SLC24A2: variants seen among roughly 807,000 people sequenced by gnomAD.
SLC24A2 encodes the protein sodium/potassium/calcium exchanger 2.
In SLC24A2, 36 loss-of-function variants were observed where a neutral mutation model predicts 62.0. That is an observed-to-expected ratio of 0.58 (90% CI 0.44 to 0.77). The LOEUF (loss-of-function observed/expected upper bound fraction) is 0.77, where lower values mean the gene tolerates loss of function less well. Ranked by LOEUF, SLC24A2 falls within the 30% of genes least tolerant of loss-of-function variation. The pLI, the probability that SLC24A2 is intolerant of heterozygous loss-of-function variation, is 0.00. For synonymous variants in SLC24A2, 358 were observed against 294.0 expected (o/e 1.22, Z -2.23); for missense variants, 846 against 817.9 (o/e 1.03, Z -0.42).
At chr9:19,908,320 A>C in the SLC24A2 span, among the ~76,000 whole-genome samples, 1 of 152,200 alleles carries the variant, frequency 6.6e-6, no homozygotes. Context: ...CTTACACCTT[A>C]TACAAAAATT....
At chr9:19,834,538 AGAAAT>A in the SLC24A2 span, among the ~76,000 whole-genome samples, 1 of 152,208 alleles carries the variant, frequency 6.6e-6, no homozygotes, top group Non-Finnish European at 1.5e-5. Flanking sequence ...AAGAATAAAA[AGAAAT>A]GAACAAAGCC....
At chr9:19,987,857 C>A in the SLC24A2 span, among the ~76,000 whole-genome samples, 3 of 152,184 alleles carry the variant, frequency 2.0e-5, no homozygotes, top group Non-Finnish European at 4.4e-5. Flanking sequence ...ATTTCCTTCG[C>A]TGTAGGAGCA....
intron 4 of SLC24A2, among the ~76,000 whole-genome samples, chr9:19,613,797 AG>A (rs1387514239): frequency 3.3e-5 from 5 of 151,952 alleles, no homozygotes; most frequent in African/African-American, 1.2e-4. Context: ...GCAGAGTAGC[AG>A]AAAAGAACTA....
chr9:19,628,822 C>T (rs115102674), intron 2 of SLC24A2, among the ~76,000 whole-genome samples: 306 of 152,282 alleles, frequency 2.0e-3, no homozygotes, highest in African/African-American at 6.9e-3. Context: ...AGCTGATGAA[C>T]TAAAACAAAC....
At chr9:19,549,205 C>A (rs1834724671) in intron 8 of SLC24A2, among the ~76,000 whole-genome samples, 1 of 152,196 alleles carries the variant, frequency 6.6e-6, no homozygotes, top group Non-Finnish European at 1.5e-5. Flanking sequence ...CAAGAATGTT[C>A]AAGAAAATGT....
the SLC24A2 span, among the ~76,000 whole-genome samples, chr9:19,933,052 G>A: frequency 1.3e-5 from 2 of 152,362 alleles, no homozygotes; most frequent in Middle Eastern, 3.4e-3. Flanking sequence ...GGAGGTGGGG[G>A]CTGCGGGGAG....
the SLC24A2 span, among the ~76,000 whole-genome samples, chr9:20,142,589 T>A: frequency 3.8e-3 from 571 of 152,232 alleles, 3 homozygotes; most frequent in African/African-American, 0.012. Flanking sequence ...TTTTAATTTT[T>A]ATTTTTATTT....
At chr9:19,751,756 C>T (rs879716467) in intron 2 of SLC24A2, among the ~76,000 whole-genome samples, 15 of 152,236 alleles carry the variant, frequency 9.9e-5, no homozygotes, top group Non-Finnish European at 1.9e-4. Context: ...CTGAACATTA[C>T]GGATAGGACC....
the SLC24A2 span, among the ~76,000 whole-genome samples, chr9:20,106,133 C>T: frequency 6.6e-6 from 1 of 152,158 alleles, no homozygotes. Flanking sequence ...TTACACCCTC[C>T]CAAGACTAAA....
At chr9:19,638,757 G>C (rs529584268) in intron 2 of SLC24A2, among the ~76,000 whole-genome samples, 39 of 152,116 alleles carry the variant, frequency 2.6e-4, no homozygotes, top group Non-Finnish European at 7.4e-5. Flanking sequence ...ATCTCAGAGG[G>C]TTGTTTAATC....
the SLC24A2 span, among the ~76,000 whole-genome samples, chr9:19,820,007 G>A: frequency 0.059 from 1,397 of 23,730 alleles, 17 homozygotes; most frequent in Middle Eastern, 0.18. Flanking sequence ...ATATATATAT[G>A]TGTATATATA....
intron 7 of SLC24A2, among the ~76,000 whole-genome samples, chr9:19,555,900 T>A (rs1835065531): frequency 6.6e-6 from 1 of 152,078 alleles, no homozygotes; most frequent in Non-Finnish European, 1.5e-5. Context: ...AACTGAGATC[T>A]TGCCACTGCA....
the SLC24A2 span, among the ~76,000 whole-genome samples, chr9:20,001,647 T>A: frequency 6.6e-6 from 1 of 152,206 alleles, no homozygotes; most frequent in Non-Finnish European, 1.5e-5. Context: ...ATCCGCCAAC[T>A]TTGAGGCCTG....
At chr9:20,232,135 T>A in the SLC24A2 span, among the ~76,000 whole-genome samples, 3 of 152,114 alleles carry the variant, frequency 2.0e-5, no homozygotes, top group Non-Finnish European at 4.4e-5. Flanking sequence ...GATTTGGTTT[T>A]CCAGTATTTT....
the SLC24A2 span, among the ~76,000 whole-genome samples, chr9:20,284,230 T>C: frequency 1.3e-5 from 2 of 152,262 alleles, no homozygotes; most frequent in East Asian, 1.9e-4. Context: ...TCACTGGTGA[T>C]CCTCACATGA....
chr9:19,716,909 G>C (rs373021335), intron 2 of SLC24A2, among the ~76,000 whole-genome samples: 1 of 152,084 alleles, frequency 6.6e-6, no homozygotes, highest in East Asian at 1.9e-4. Context: ...AGTTACTATT[G>C]TTATTTTTGT....
At chr9:19,817,170 G>C in the SLC24A2 span, among the ~76,000 whole-genome samples, 11 of 152,092 alleles carry the variant, frequency 7.2e-5, no homozygotes, top group East Asian at 1.2e-3. Context: ...AATGCACCAG[G>C]AGGGGCAACT....
At chr9:19,978,609 GTATT>G in the SLC24A2 span, among the ~76,000 whole-genome samples, 4 of 151,730 alleles carry the variant, frequency 2.6e-5, no homozygotes, top group Non-Finnish European at 5.9e-5. Flanking sequence ...TTTCTTCAGA[GTATT>G]TAACAATTTT....
At chr9:20,162,108 A>G in the SLC24A2 span, among the ~76,000 whole-genome samples, 3 of 151,850 alleles carry the variant, frequency 2.0e-5, no homozygotes, top group East Asian at 3.9e-4. Context: ...CAGTAACTCA[A>G]ACTTGGCATT....
Sources: gnomAD v4.1 joint callset for allele counts (sites outside exome capture counted in the v4.1 genomes callset) on GRCh38, gnomAD v4.1.1 for gene constraint, MANE v1.5 for transcripts, NCBI Gene and HGNC (gene_info 2026-07-23, HGNC 2026-07-21) for gene names.